MYCBP2: variants seen among roughly 807,000 people sequenced by gnomAD.
MYCBP2 encodes the protein MYC binding protein 2, also known as E3 ubiquitin-protein ligase MYCBP2.
Under a neutral mutation model 525.3 loss-of-function variants are expected in MYCBP2, and 120 were observed. The ratio of observed to expected loss-of-function variants is 0.23; its 90% CI spans 0.20 to 0.27. The LOEUF (loss-of-function observed/expected upper bound fraction) is 0.27, where lower values mean the gene tolerates loss of function less well. MYCBP2 is among the 10% of genes least tolerant of loss of function. The probability of loss-of-function intolerance (pLI) is 1.00; values close to 1 mark genes in which losing one functional copy is unlikely to be tolerated. For synonymous variants in MYCBP2, 1,894 were observed against 1,955.8 expected (o/e 0.97, Z 0.83); for missense variants, 4,149 against 5,657.1 (o/e 0.73, Z 8.55).
At chr13:77,254,291 A>C (rs2071760908) in intron 14 of MYCBP2, among the ~76,000 whole-genome samples, 1 of 151,886 alleles carries the variant, frequency 6.6e-6, no homozygotes, top group Non-Finnish European at 1.5e-5. Context: ...TATCAAAGTC[A>C]TGATCGCGGT....
chr13:77,255,697 T>C (rs572798236), intron 14 of MYCBP2, among the ~76,000 whole-genome samples: 4 of 152,048 alleles, frequency 2.6e-5, no homozygotes, highest in East Asian at 1.9e-4. Flanking sequence ...TTCTAGTAAC[T>C]TGCTCATTTT....
Position 77,251,068 on chromosome 13 carries a change from TTAATAG to T in MYCBP2, c.2381+77_2381+82del, listed in dbSNP as rs950606813. 6.6e-5 allele frequency: 82 copies of T among 1,250,716 alleles called. No individual in the cohort carries two copies. In the African/African-American group the frequency reaches 1.2e-3, roughly 18 times the overall value. 77.5% of individuals were successfully genotyped at this position (1,250,716 alleles called of 1,614,324 possible). On this transcript the variant is annotated intron_variant, in intron 15 of 82. Transcript: ENST00000544440. ...GCCACTGGTCTTTAAGAAAAAAATATTAATAGTAGAGTATACTCCGGAATGATTTTG... is the reference window on the plus strand; with the variant it reads ...GCCACTGGTCTTTAAGAAAAAAATATTAGAGTATACTCCGGAATGATTTTG...
intron 28 of MYCBP2, among the ~76,000 whole-genome samples, chr13:77,190,748 A>G (rs940924563): frequency 2.6e-5 from 4 of 152,222 alleles, no homozygotes; most frequent in African/African-American, 9.6e-5. Context: ...GTAGTCACTT[A>G]GTTCTAAAGA....
chr13:77,304,356 T>C (rs1311222077), intron 1 of MYCBP2, among the ~76,000 whole-genome samples: 3 of 152,214 alleles, frequency 2.0e-5, no homozygotes, highest in Non-Finnish European at 4.4e-5. Flanking sequence ...GGACATTATC[T>C]TAAGTTAAAG....
At chr13:77,227,637 T>C (rs1400967804) in intron 18 of MYCBP2, among the ~76,000 whole-genome samples, 1 of 152,142 alleles carries the variant, frequency 6.6e-6, no homozygotes, top group Non-Finnish European at 1.5e-5. Flanking sequence ...ACATAGAAAA[T>C]ACATTGTGTT....
intron 25 of MYCBP2, 36 bp from the exon 26 acceptor site, chr13:77,205,419 A>G: frequency 6.2e-7 from 1 of 1,612,012 alleles, no homozygotes; most frequent in South Asian, 1.1e-5. Context: ...GTTTTAAAAG[A>G]TCCATATATA....
At chr13:77,101,746 C>T (rs751875168) in intron 55 of MYCBP2, among the ~76,000 whole-genome samples, 15 of 151,836 alleles carry the variant, frequency 9.9e-5, no homozygotes, top group Non-Finnish European at 1.9e-4. Flanking sequence ...TTTTCCAAAA[C>T]GTATTTTATA....
intron 24 of MYCBP2, 120 bp downstream of exon 24, chr13:77,206,533 T>G: frequency 3.1e-6 from 3 of 967,330 alleles, no homozygotes; most frequent in Non-Finnish European, 4.3e-6. Flanking sequence ...TAACTTATTT[T>G]GTACATTATT....
intron 55 of MYCBP2, among the ~76,000 whole-genome samples, chr13:77,110,746 A>G (rs1317318365): frequency 1.3e-5 from 2 of 152,080 alleles, no homozygotes; most frequent in Non-Finnish European, 2.9e-5. Flanking sequence ...CAGACTGGCC[A>G]ATGCTTAGGG....
At chr13:77,130,388 T>C (rs137933490) in intron 52 of MYCBP2, among the ~76,000 whole-genome samples, 2 of 151,850 alleles carry the variant, frequency 1.3e-5, no homozygotes, top group African/African-American at 4.8e-5. Context: ...TGTTTTCTAG[T>C]TCTATATTTT....
rs74096191 is a variant in MYCBP2 at position 77,116,066 on chromosome 13, G to T, written c.8140+5307C>A. Among the ~76,000 whole-genome samples the T allele has an allele frequency of 7.3e-5, 11 of 151,680 alleles. No individual in the cohort carries two copies. The East Asian group carries it at 2.1e-3, about 29-fold the overall frequency. The stretch of plus-strand genomic sequence containing the variant: ...TACCATTTTACTATGTATGTTTCTG[G>T]GGCAAATCATTTATCCTCTCTAAGC... On this transcript the variant is annotated intron_variant, in intron 55 of 82. Coordinates refer to ENST00000544440, the MANE Select transcript of MYCBP2 (RefSeq NM_015057.5).
chr13:77,113,352 T>C (rs2049162490), intron 55 of MYCBP2, among the ~76,000 whole-genome samples: 1 of 152,176 alleles, frequency 6.6e-6, no homozygotes, highest in African/African-American at 2.4e-5. Context: ...TTATTTTTTC[T>C]TTAACTAGGT....
intron 35 of MYCBP2, among the ~76,000 whole-genome samples, chr13:77,177,354 T>G (rs1175127158): frequency 1.4e-5 from 2 of 146,206 alleles, no homozygotes; most frequent in Non-Finnish European, 3.0e-5. Flanking sequence ...TTTTTTTTTT[T>G]GAGACAGGGT....
At chr13:77,235,717 A>T (rs1256159645) in intron 17 of MYCBP2, among the ~76,000 whole-genome samples, 2 of 152,130 alleles carry the variant, frequency 1.3e-5, no homozygotes, top group East Asian at 3.8e-4. Flanking sequence ...GAGGGGAGGG[A>T]GGGTTTACAC....
At chr13:77,104,429 G>A (rs1203104715) in intron 55 of MYCBP2, among the ~76,000 whole-genome samples, 1 of 152,116 alleles carries the variant, frequency 6.6e-6, no homozygotes, top group Non-Finnish European at 1.5e-5. Context: ...GGAGAAAGGA[G>A]AGAGGGAATG....
intron 21 of MYCBP2, among the ~76,000 whole-genome samples, chr13:77,216,991 G>C (rs917243002): frequency 2.6e-5 from 4 of 152,142 alleles, no homozygotes; most frequent in African/African-American, 9.7e-5. Context: ...GTGAGAAAGA[G>C]AACAGCCACA....
intron 14 of MYCBP2, 125 bp downstream of exon 14, chr13:77,257,546 A>C: frequency 9.8e-7 from 1 of 1,022,978 alleles, no homozygotes; most frequent in Non-Finnish European, 1.4e-6. Context: ...AAAAAAATTT[A>C]AATAGGAACA....
intron 6 of MYCBP2, 70 bp from the exon 7 acceptor site, chr13:77,270,133 G>A (rs2074674320): frequency 6.8e-7 from 1 of 1,477,302 alleles, no homozygotes; most frequent in Non-Finnish European, 9.2e-7. Context: ...TAATACAAAT[G>A]GGTGAATGAC....
rs376204786 is a variant in MYCBP2 at position 77,097,509 on chromosome 13, T to C, written c.9645A>G (p.Ala3215=). Residue 3215 remains alanine, a synonymous_variant, in exon 56 of 83, where the codon GCA becomes GCG. Coordinates refer to ENST00000544440, the MANE Select transcript of MYCBP2 (RefSeq NM_015057.5). ...ACAAATTACCCCTGGGCCTAACTTC[T>C]GCCTTTTCTTTTTTCTTTTTTTCCT... is the stretch of plus-strand genomic sequence containing the variant. ...SKKEKKKKEK[A]EVRPRGNLFG... 3.8e-5 allele frequency: 62 copies of C among 1,612,526 alleles called. No homozygotes were observed. The highest frequency in any genetic ancestry group is 5.0e-5 in the Non-Finnish European group (59 of 1,179,440).
Sources: allele counts gnomAD v4.1 joint callset (sites outside exome capture counted in the v4.1 genomes callset), GRCh38; gene constraint gnomAD v4.1.1; transcripts MANE v1.5; gene names NCBI Gene and HGNC (gene_info 2026-07-23, HGNC 2026-07-21).